The following MYO5B variants were observed in gnomAD, a reference collection of about 807,000 sequenced individuals.
MYO5B encodes the protein myosin VB, also known as unconventional myosin-Vb.
Under a neutral mutation model 229.3 loss-of-function variants are expected in MYO5B, and 143 were observed. That is an observed-to-expected ratio of 0.62 (90% CI 0.54 to 0.72). The LOEUF (loss-of-function observed/expected upper bound fraction) is 0.72. Among genes scored for constraint, MYO5B ranks in the 30% least tolerant of loss-of-function variants. MYO5B has a pLI of 0.00. For synonymous variants in MYO5B, 918 were observed against 885.2 expected (o/e 1.04, Z -0.66); for missense variants, 2,321 against 2,331.0 (o/e 1.00, Z 0.09).
At chr18:49,975,587 G>A (rs140038301) in intron 9 of MYO5B, among the ~76,000 whole-genome samples, 5 of 152,210 alleles carry the variant, frequency 3.3e-5, no homozygotes, top group East Asian at 1.9e-4. Context: ...GTTCCTCAGC[G>A]TGGAAAGCTA....
chr18:50,160,395 G>C (rs1175433867), intron 1 of MYO5B, among the ~76,000 whole-genome samples: 4 of 152,198 alleles, frequency 2.6e-5, no homozygotes, highest in Admixed American at 2.0e-4. Context: ...ATCAGATGAT[G>C]GAAAGCAGAG....
At chr18:50,152,367 AG>A (rs1225230160) in intron 1 of MYO5B, among the ~76,000 whole-genome samples, 1 of 152,254 alleles carries the variant, frequency 6.6e-6, no homozygotes, top group Non-Finnish European at 1.5e-5. Context: ...TGGGATGATC[AG>A]TTTGGGTTAA....
intron 27 of MYO5B, among the ~76,000 whole-genome samples, chr18:49,866,275 TAGTC>T (rs1011053042): frequency 2.0e-4 from 31 of 152,050 alleles, no homozygotes; most frequent in Admixed American, 1.2e-3. Context: ...TTCACCATGT[TAGTC>T]AGGATGGTCT....
chr18:50,127,193 A>C (rs1254387856), intron 1 of MYO5B, among the ~76,000 whole-genome samples: 13 of 152,188 alleles, frequency 8.5e-5, no homozygotes, highest in Admixed American at 8.5e-4. Flanking sequence ...GGCACTTACG[A>C]TAATTCAAAA....
chr18:50,054,230 T>A (rs59163572), intron 2 of MYO5B, among the ~76,000 whole-genome samples: 1,604 of 151,916 alleles, frequency 0.011, 31 homozygotes, highest in African/African-American at 0.037. Flanking sequence ...CAAAACCCCC[T>A]CTCCTCAAGA....
At chr18:50,064,203 A>G (rs115543226) in intron 1 of MYO5B, 1,810 of 153,308 alleles carry the variant, frequency 0.012, 28 homozygotes, top group African/African-American at 0.041. Context: ...ATTGAGCACA[A>G]GGGAACATTC....
At chr18:49,981,248 A>G (rs1367807828) in intron 8 of MYO5B, among the ~76,000 whole-genome samples, 1 of 152,260 alleles carries the variant, frequency 6.6e-6, no homozygotes, top group Non-Finnish European at 1.5e-5. Context: ...GTTTTTACAG[A>G]ATGATTCAGA....
chr18:49,880,630 T>A, intron 22 of MYO5B, 175 bp from the exon 23 acceptor site: 1 of 650,210 alleles, frequency 1.5e-6, no homozygotes, highest in Non-Finnish European at 2.8e-6. Flanking sequence ...AAAATCCCAT[T>A]AAAACAAGAC....
chr18:49,841,363 A>T lies in MYO5B; in HGVS notation c.4701+2T>A. 3 of 1,613,928 alleles carry T rather than the reference A, an allele frequency of 1.9e-6. No individual in the cohort carries two copies. The highest frequency in any genetic ancestry group is 2.5e-6 in the Non-Finnish European group (3 of 1,179,912). On this transcript the variant is annotated splice_donor_variant, in intron 35 of 39. Coordinates refer to ENST00000285039, the MANE Select transcript of MYO5B (RefSeq NM_001080467.3). LOFTEE classifies it high-confidence loss of function. ...CTCCTGGGTGCCTGGCTCCCCACTC[A>T]CCTCATCCCCGCTGTACTGCTTCAG...
chr18:49,957,453 G>A (rs1378260985), intron 12 of MYO5B, among the ~76,000 whole-genome samples: 1 of 151,960 alleles, frequency 6.6e-6, no homozygotes, highest in East Asian at 1.9e-4. Flanking sequence ...GACCAGCCTG[G>A]GCAACAACAC....
chr18:49,912,670 G>C (rs1327514690), intron 17 of MYO5B, among the ~76,000 whole-genome samples: 1 of 152,196 alleles, frequency 6.6e-6, no homozygotes, highest in Non-Finnish European at 1.5e-5. Context: ...CATGTAAGAT[G>C]TTCCTTTGCT....
intron 12 of MYO5B, among the ~76,000 whole-genome samples, chr18:49,954,787 G>A (rs879613299): frequency 5.3e-5 from 8 of 152,202 alleles, no homozygotes; most frequent in Non-Finnish European, 7.3e-5. Flanking sequence ...AACTGGGGCT[G>A]TGACATCAGC....
In MYO5B at chr18:49,857,928, T is replaced by G. The variant is rs188502487; in HGVS notation, c.3945-1038A>C. 5.3e-5 allele frequency among the ~76,000 whole-genome samples: 8 copies of G among 152,262 alleles called. No individual in the cohort carries two copies. The East Asian group carries it at 1.5e-3, about 29-fold the overall frequency. On this transcript the variant is annotated intron_variant, in intron 29 of 39. Transcript: ENST00000285039. ...CTCCTAACAGCCTCTGTTCCTGGAG[T>G]ACTCCTCCTGCAGGCCAGATTCCAG...
intron 31 of MYO5B, among the ~76,000 whole-genome samples, chr18:49,851,701 C>G (rs1185459202): frequency 6.6e-6 from 1 of 152,066 alleles, no homozygotes. Context: ...CCCCACCACT[C>G]CAGCCTCAAG....
chr18:50,152,883 A>G (rs1322472920), intron 1 of MYO5B, among the ~76,000 whole-genome samples: 1 of 151,954 alleles, frequency 6.6e-6, no homozygotes, highest in East Asian at 1.9e-4. Flanking sequence ...AAAAAAAAAA[A>G]AAATCACACT....
chr18:49,903,637 C>T (rs925235414), intron 20 of MYO5B, among the ~76,000 whole-genome samples: 4 of 152,316 alleles, frequency 2.6e-5, no homozygotes, highest in Non-Finnish European at 2.9e-5. Flanking sequence ...TTATCAATTT[C>T]GTGCTTTACT....
chr18:49,847,636 C>T (rs1040100621), intron 32 of MYO5B, among the ~76,000 whole-genome samples: 6 of 151,976 alleles, frequency 3.9e-5, no homozygotes, highest in Non-Finnish European at 8.8e-5. Flanking sequence ...GGTCTCTCAC[C>T]GCTCCTGCAT....
intron 17 of MYO5B, among the ~76,000 whole-genome samples, chr18:49,916,371 C>A (rs1480968500): frequency 3.9e-5 from 6 of 152,188 alleles, no homozygotes; most frequent in African/African-American, 1.4e-4. Context: ...GGCAGTGCGA[C>A]TGGGGCCAGT....
rs540092550 is a variant in MYO5B, at chr18:50,078,952, C to T, written c.28-23574G>A. 2.0e-5 allele frequency among the ~76,000 whole-genome samples: 3 copies of T among 152,356 alleles called. No homozygotes were observed. In the East Asian group the frequency reaches 5.8e-4, roughly 29 times the overall value. On this transcript the variant is annotated intron_variant, in intron 1 of 39. Transcript: ENST00000285039. ...ACCACTACATGTGACAGCAAGGACA[C>T]ATCTCATTTATAATGTGGACATAAG...
Sources: gnomAD v4.1 joint callset for allele counts (sites outside exome capture counted in the v4.1 genomes callset) on GRCh38, gnomAD v4.1.1 for gene constraint, MANE v1.5 for transcripts, NCBI Gene and HGNC (gene_info 2026-07-23, HGNC 2026-07-21) for gene names.